The following UNC45A variants were observed in gnomAD, a reference collection of about 807,000 sequenced individuals.
UNC45A encodes the protein unc-45 myosin chaperone A.
UNC45A carries 78 observed loss-of-function variants against 103.2 expected under a neutral mutation model. That is an observed-to-expected ratio of 0.76 (90% CI 0.63 to 0.91). The LOEUF (loss-of-function observed/expected upper bound fraction) is 0.91. UNC45A is among the 40% of genes least tolerant of loss of function. The probability of loss-of-function intolerance (pLI) is 0.00; values close to 1 mark genes in which losing one functional copy is unlikely to be tolerated. For missense variants in UNC45A, 1,193 were observed against 1,224.8 expected, an observed-to-expected ratio of 0.97 and a Z score of 0.39; for synonymous variants, 495 against 504.6, an observed-to-expected ratio of 0.98 and a Z score of 0.25.
rs1420722878 is a variant in UNC45A, at chr15:90,953,888, A to C, written c.*172A>C. On this transcript the variant is annotated 3_prime_UTR_variant, in exon 20 of 20. Transcript: ENST00000418476. ...TGAGTCAGCGGCCACGTTCAGTCACACAGCCCTGCTTGGCCAGCACTGCCT... is the reference window on the plus strand; with the variant it reads ...TGAGTCAGCGGCCACGTTCAGTCACCCAGCCCTGCTTGGCCAGCACTGCCT... The C allele has an allele frequency of 2.1e-6, 2 of 951,704 alleles. No homozygotes were observed. Among genetic ancestry groups the C allele is most frequent in the Non-Finnish European group, 3.1e-6 (2 of 648,252 alleles). 59.0% of individuals were successfully genotyped at this position (951,704 alleles called of 1,614,324 possible).
At chr15:90,949,788 G>A in intron 15 of UNC45A, 68 bp downstream of exon 15, 1 of 1,498,946 alleles carries the variant, frequency 6.7e-7, no homozygotes, top group African/African-American at 1.4e-5. Context: ...CTCAGCAGCT[G>A]CCACGCCAGA....
At chr15:90,935,258 GT>G (rs2035940611), upstream of UNC45A, 71 of 1,492,508 alleles carry the variant, frequency 4.8e-5, no homozygotes, top group Non-Finnish European at 6.2e-5. Context: ...TGCCGGTGGC[GT>G]CCCGAACCCA....
At chr15:90,941,204 A>T (rs963599872) in intron 6 of UNC45A, among the ~76,000 whole-genome samples, 4 of 152,158 alleles carry the variant, frequency 2.6e-5, no homozygotes, top group Non-Finnish European at 4.4e-5. Flanking sequence ...CCTGGCCACC[A>T]CAGCATCTAC....
chr15:90,940,581 C>T (rs962927551), intron 6 of UNC45A, 108 bp downstream of exon 6: 15 of 1,409,252 alleles, frequency 1.1e-5, no homozygotes, highest in Non-Finnish European at 1.3e-5. Context: ...GTCCATCCAT[C>T]CATCCACTCT....
At position 90,953,294 on chromosome 15, in the gene UNC45A, G is replaced by T. The variant is rs2037031615; in HGVS notation, c.2561G>T (p.Ser854Ile). 2 of 1,610,216 alleles carry T rather than the reference G, an allele frequency of 1.2e-6. No homozygotes were observed. Among genetic ancestry groups the T allele is most frequent in the African/African-American group, 2.7e-5 (2 of 74,900 alleles). Residue 854 changes from serine (S) to isoleucine (I), a missense_variant, in exon 19 of 20, where the codon AGC (serine) becomes ATC (isoleucine). Ser to Ile is a moderately radical substitution (Grantham distance 142, BLOSUM62 -2). Coordinates refer to ENST00000418476, the MANE Select transcript of UNC45A (RefSeq NM_018671.5). ...MLTSMRPTLC[S>I]RIPQVTTHWL... ...ACCTCCATGCGGCCCACGCTCTGCA[G>T]CCGCATTCCCCAAGTGGTCAGTGCC... is the stretch of plus-strand genomic sequence containing the variant.
Position 90,947,069 on chromosome 15 carries a change from G to A in UNC45A, c.1500+155G>A, listed in dbSNP as rs1009533512. The A allele has an allele frequency of 3.7e-5, 31 of 840,830 alleles. No individual in the cohort carries two copies. The East Asian group carries it at 7.8e-4, about 21-fold the overall frequency. 52.1% of individuals were successfully genotyped at this position (840,830 alleles called of 1,614,324 possible). A position where few individuals can be genotyped will look rare whatever the true frequency, so the allele number is the denominator to read the frequency against. On this transcript the variant is annotated intron_variant, in intron 10 of 19. Coordinates refer to ENST00000418476, the MANE Select transcript of UNC45A (RefSeq NM_018671.5). ...CTAGGCTTGGTGGTGCATGCCTATAGGTCCAGCTACTTGGGAGGCTGAGGC... is the reference window on the plus strand; with the variant it reads ...CTAGGCTTGGTGGTGCATGCCTATAAGTCCAGCTACTTGGGAGGCTGAGGC...
At chr15:90,945,773 T>C (rs1440685346) in intron 9 of UNC45A, among the ~76,000 whole-genome samples, 3 of 150,886 alleles carry the variant, frequency 2.0e-5, no homozygotes, top group Non-Finnish European at 4.4e-5. Context: ...GCTGGGATAA[T>C]AGGCACCCAC....
intron 4 of UNC45A, among the ~76,000 whole-genome samples, chr15:90,937,986 G>A (rs1220641573): frequency 6.6e-6 from 1 of 151,988 alleles, no homozygotes. Context: ...TAGAGACAGG[G>A]TTTTACTGTG....
intron 8 of UNC45A, among the ~76,000 whole-genome samples, chr15:90,943,350 C>A (rs966328904): frequency 6.6e-6 from 1 of 151,178 alleles, no homozygotes; most frequent in South Asian, 2.1e-4. Context: ...AATTACTTAA[C>A]CCTGGGAAGT....
upstream of UNC45A, chr15:90,931,103 T>C (rs1317007236): frequency 1.4e-6 from 1 of 714,446 alleles, no homozygotes; most frequent in South Asian, 1.9e-5. Flanking sequence ...CACGCGGGGC[T>C]CAGCTTAGTT....
In UNC45A at chr15:90,946,809, C is replaced by T. The variant is rs370353156; in HGVS notation, c.1395C>T (p.Ala465=). ...LVAVEALIHA[A]GKAKRASFIT... ...CCGTGGAGGCTCTGATCCATGCAGC[C>T]GGCAAGGCTAAGCGGGCCTCATTCA... The change falls in exon 10 of 20, where the codon GCC becomes GCT. Residue 465 remains alanine (A), a synonymous_variant. Coordinates refer to ENST00000418476, the MANE Select transcript of UNC45A (RefSeq NM_018671.5). 2.7e-4 allele frequency: 429 copies of T among 1,614,196 alleles called. 2 individuals are homozygous for T. The South Asian group carries it at 3.2e-3, about 12-fold the overall frequency.
intron 2 of UNC45A, 102 bp from the exon 3 acceptor site, chr15:90,935,843 TG>T: frequency 6.3e-7 from 1 of 1,581,768 alleles, no homozygotes; most frequent in Non-Finnish European, 8.6e-7. Flanking sequence ...CTCAGGGTGG[TG>T]GGGGATCGGG....
rs760045344 is a variant in UNC45A, at chr15:90,939,778, G to C, written c.474G>C (p.Gln158His). 5 of 1,614,204 alleles carry C rather than the reference G, an allele frequency of 3.1e-6. No homozygotes were observed. The Admixed American group carries it at 5.0e-5, about 16-fold the overall frequency. Residue 158 changes from glutamine (Q) to histidine (H), a missense_variant, in exon 5 of 20, where the codon CAG becomes CAC. Gln to His is a conservative substitution (Grantham distance 24, BLOSUM62 0). Coordinates refer to ENST00000418476, the MANE Select transcript of UNC45A (RefSeq NM_018671.5). ...ATGCCAAAGTGGAACAGATGTTTCAGATACTGTTGGACCCAGAAGAGAAGG... is the reference window on the plus strand; with the variant it reads ...ATGCCAAAGTGGAACAGATGTTTCACATACTGTTGGACCCAGAAGAGAAGG... ...STDAKVEQMF[Q>H]ILLDPEEKGT...
In UNC45A at chr15:90,950,573, T is replaced by C; in HGVS notation, c.2261T>C (p.Leu754Pro). 5 of 1,614,200 alleles carry C rather than the reference T, an allele frequency of 3.1e-6. No homozygotes were observed. The highest frequency in any genetic ancestry group is 4.2e-6 in the Non-Finnish European group (5 of 1,180,032). Residue 754 changes from leucine (L) to proline (P), a missense_variant, in exon 17 of 20, where the codon CTC (leucine) becomes CCC (proline). Coordinates refer to ENST00000418476, the MANE Select transcript of UNC45A (RefSeq NM_018671.5). ...NCSGLQNFEA[L>P]MALTNLAGIS... ...TCAGGCCTGCAGAACTTCGAGGCGC[T>C]CATGGCCCTAACAAACCTGGCTGGG... is the stretch of plus-strand genomic sequence containing the variant.
rs1186947475 is a variant in UNC45A, at chr15:90,947,884, G to A, written c.1589G>A (p.Cys530Tyr). The part of the protein sequence containing the change: ...EGSTLKLAKQ[C>Y]RKWLCNDQID... ...TCCACTCTCAAACTGGCTAAGCAGT[G>A]TCGAAAGTGAGTCATCTGGCCTTGC... is the stretch of plus-strand genomic sequence containing the variant. Residue 530 changes from cysteine (C) to tyrosine (Y), a missense_variant, in exon 11 of 20, where the codon TGT (cysteine) becomes TAT (tyrosine). Transcript: ENST00000418476. The A allele has an allele frequency of 6.2e-7, 1 of 1,613,440 alleles. No homozygotes were observed. The highest frequency in any genetic ancestry group is 8.5e-7 in the Non-Finnish European group (1 of 1,179,790).
rs966881864 is a variant in UNC45A, at chr15:90,947,837, C to A, written c.1542C>A (p.Ser514Arg). ...GTTCGGCTGGAGGGACTGACTTCAGCATGAAGCAGTTTGCTGAAGGCTCCA... is the reference window on the plus strand; with the variant it reads ...GTTCGGCTGGAGGGACTGACTTCAGAATGAAGCAGTTTGCTGAAGGCTCCA... ...KLGSAGGTDF[S>R]MKQFAEGSTL... The change falls in exon 11 of 20, where the codon AGC (serine) becomes AGA (arginine). Residue 514 changes from serine to arginine, a missense_variant. Coordinates refer to ENST00000418476, the MANE Select transcript of UNC45A (RefSeq NM_018671.5). 2 of 1,614,140 alleles carry A rather than the reference C, an allele frequency of 1.2e-6. No homozygotes were observed. The highest frequency in any genetic ancestry group is 1.7e-6 in the Non-Finnish European group (2 of 1,180,012).
chr15:90,952,431 T>G (rs2151376969), intron 17 of UNC45A: 1 of 155,296 alleles, frequency 6.4e-6, no homozygotes, highest in East Asian at 1.9e-4. Flanking sequence ...ACACTTTTTT[T>G]TTTTTTGAAA....
chr15:90,934,502 C>G (rs1484538044), upstream of UNC45A: 3 of 398,858 alleles, frequency 7.5e-6, no homozygotes, highest in African/African-American at 4.1e-5. Context: ...AATTTGAGGC[C>G]CTGTACCAAG....
chr15:90,947,168 C>CA (rs1482119449), intron 10 of UNC45A: 1 of 501,802 alleles, frequency 2.0e-6, no homozygotes, highest in Non-Finnish European at 3.6e-6. Context: ...GCCTGGGCAA[C>CA]ACAGCAAGAC....
Sources: gnomAD v4.1 joint callset for allele counts (sites outside exome capture counted in the v4.1 genomes callset) on GRCh38, gnomAD v4.1.1 for gene constraint, MANE v1.5 for transcripts, NCBI Gene and HGNC (gene_info 2026-07-23, HGNC 2026-07-21) for gene names.